The following CSF2RA variants were observed in gnomAD, a reference collection of about 807,000 sequenced individuals.
CSF2RA encodes colony stimulating factor 2 receptor subunit alpha.
In CSF2RA, 42 loss-of-function variants were observed where a neutral mutation model predicts 51.6. The observed-to-expected ratio is 0.81, with a 90% CI of 0.64 to 1.05. The LOEUF is 1.05. Among genes scored for constraint, CSF2RA ranks in the 50% least tolerant of loss-of-function variants. The probability of loss-of-function intolerance (pLI) is 0.00; values close to 1 mark genes in which losing one functional copy is unlikely to be tolerated. For missense variants in CSF2RA, 530 were observed against 501.1 expected, an observed-to-expected ratio of 1.06 and a Z score of -0.55; for synonymous variants, 222 against 193.0, an observed-to-expected ratio of 1.15 and a Z score of -1.24.
At chrX:1,321,922 G>C in the CSF2RA span, among the ~76,000 whole-genome samples, 2 of 151,918 alleles carry the variant, frequency 1.3e-5, no homozygotes, top group Non-Finnish European at 2.9e-5. Flanking sequence ...CGCATCATGA[G>C]GTCGGGAGTT....
chrX:1,287,604 T>C (rs1258777222), intron 4 of CSF2RA, among the ~76,000 whole-genome samples: 8 of 146,604 alleles, frequency 5.5e-5, no homozygotes, highest in Non-Finnish European at 9.0e-5. Context: ...CCACCACACC[T>C]GGCTAATTTT....
In CSF2RA at chrX:1,284,195, C is replaced by CTTTTT. The variant is rs752104115; in HGVS notation, c.76+1438_76+1442dup. ...CAAGCGGTTTTCTTTCTCTGTCTCT[C>CTTTTT]TTTTTTTTTTTTTTTTTTTTTTTTT... is the stretch of plus-strand genomic sequence containing the variant. On this transcript the variant is annotated intron_variant, in intron 3 of 12. Transcript: ENST00000381529. Among the ~76,000 whole-genome samples, 49 of 91,786 alleles carry CTTTTT rather than the reference C, an allele frequency of 5.3e-4. 1 individual carries two copies. Among genetic ancestry groups the CTTTTT allele is most frequent in the African/African-American group, 1.9e-3 (48 of 25,412 alleles). 60.2% of individuals were successfully genotyped at this position (91,786 alleles called of 152,430 possible). A position where few individuals can be genotyped will look rare whatever the true frequency, so the allele number is the denominator to read the frequency against.
At chrX:1,304,760 G>T (rs1207387919) in intron 11 of CSF2RA, among the ~76,000 whole-genome samples, 1 of 151,848 alleles carries the variant, frequency 6.6e-6, no homozygotes, top group East Asian at 1.9e-4. Context: ...CACCTCCCGG[G>T]TTCACGCCAT....
chrX:1,316,101 ACAC>A, the CSF2RA span, among the ~76,000 whole-genome samples: 1 of 140,608 alleles, frequency 7.1e-6, no homozygotes, highest in East Asian at 2.3e-4. Flanking sequence ...GGATAGATAG[ACAC>A]ATAGATACAT....
At chrX:1,306,748 C>A (rs1383984135) in intron 12 of CSF2RA, among the ~76,000 whole-genome samples, 2 of 148,982 alleles carry the variant, frequency 1.3e-5, no homozygotes, top group African/African-American at 5.0e-5. Context: ...CAGAGAGACA[C>A]AGAGAAAGAC....
At chrX:1,287,412 A>T (rs2090852361) in intron 4 of CSF2RA, among the ~76,000 whole-genome samples, 1 of 147,894 alleles carries the variant, frequency 6.8e-6, no homozygotes, top group Non-Finnish European at 1.5e-5. Flanking sequence ...TTGGCCTCCC[A>T]AAGTGCTGGC....
At chrX:1,306,461 A>ACCTGAAGAAACCTCGTCTCT (rs1381347673) in intron 12 of CSF2RA, among the ~76,000 whole-genome samples, 2 of 152,026 alleles carry the variant, frequency 1.3e-5, no homozygotes, top group Non-Finnish European at 2.9e-5. Flanking sequence ...AGCCTGACCA[A>ACCTGAAGAAACCTCGTCTCT]CCTGAAGAAA....
At chrX:1,281,121 C>CCTCCTCCTCCTG (rs1569494745) in intron 2 of CSF2RA, among the ~76,000 whole-genome samples, 2 of 118,392 alleles carry the variant, frequency 1.7e-5, no homozygotes, top group Non-Finnish European at 3.5e-5. Flanking sequence ...TTCTCCTCCT[C>CCTCCTCCTCCTG]CTCCTCCTCC....
intron 3 of CSF2RA, 92 bp downstream of exon 3, chrX:1,282,871 A>G (rs2090203363): frequency 9.3e-7 from 1 of 1,080,192 alleles, no homozygotes; most frequent in Admixed American, 1.7e-5. Context: ...GTCCATCTGC[A>G]TTTCATCTCT....
At chrX:1,322,439 GTTTTTTTTT>G in the CSF2RA span, among the ~76,000 whole-genome samples, 18 of 120,690 alleles carry the variant, frequency 1.5e-4, no homozygotes, top group African/African-American at 5.4e-4. Flanking sequence ...GTGTGTGTTT[GTTTTTTTTT>G]TTTTTTTTTT....
chrX:1,303,437 A>G, intron 10 of CSF2RA: 1 of 419,224 alleles, frequency 2.4e-6, no homozygotes, highest in Middle Eastern at 6.4e-4. Flanking sequence ...ATGAGGTTTC[A>G]CCATGTTAGT....
chrX:1,300,374 G>T, intron 9 of CSF2RA, 117 bp from the exon 10 acceptor site: 2 of 1,302,392 alleles, frequency 1.5e-6, no homozygotes, highest in Non-Finnish European at 2.2e-6. Context: ...AGAAAAAAAA[G>T]AAGAAAAAGA....
rs767566902 is a variant in CSF2RA at position 1,278,923 on chromosome X, A to C, written c.-26-3755A>C. 2.0e-5 allele frequency among the ~76,000 whole-genome samples: 3 copies of C among 150,634 alleles called. No individual in the cohort carries two copies. In the East Asian group the frequency reaches 5.9e-4, roughly 29 times the overall value. ...CGTGTTGGTGCGTGCCTGTAGTCCC[A>C]GCTACTCGGAGGCTGAGGCAGTAGA... On this transcript the variant is annotated intron_variant, in intron 2 of 12. Coordinates refer to ENST00000381529, the MANE Select transcript of CSF2RA (RefSeq NM_172245.4).
At chrX:1,292,363 C>A (rs1303526513) in intron 7 of CSF2RA, among the ~76,000 whole-genome samples, 1 of 152,152 alleles carries the variant, frequency 6.6e-6, no homozygotes, top group Non-Finnish European at 1.5e-5. Context: ...AGAAATAAGA[C>A]ACAGAGACAA....
chrX:1,314,299 CACTCT>C (rs2084339236), downstream of CSF2RA, among the ~76,000 whole-genome samples: 2 of 109,002 alleles, frequency 1.8e-5, no homozygotes, highest in Admixed American at 9.5e-5. Context: ...TCTGCCCAAC[CACTCT>C]GTGCCTGCCC....
At chrX:1,303,557 G>T (rs1216278371) in intron 10 of CSF2RA, among the ~76,000 whole-genome samples, 1 of 151,780 alleles carries the variant, frequency 6.6e-6, no homozygotes, top group African/African-American at 2.4e-5. Context: ...TGTATTTTTG[G>T]TAGAGACGGG....
At chrX:1,279,344 T>C (rs1365245333) in intron 2 of CSF2RA, among the ~76,000 whole-genome samples, 1 of 140,192 alleles carries the variant, frequency 7.1e-6, no homozygotes, top group East Asian at 2.1e-4. Flanking sequence ...AGCAAGACCG[T>C]CTACAAAATA....
At chrX:1,299,426 T>G (rs150898003) in intron 9 of CSF2RA, among the ~76,000 whole-genome samples, 2,686 of 152,264 alleles carry the variant, frequency 0.018, 32 homozygotes, top group Non-Finnish European at 0.025. Context: ...CATTTATTTA[T>G]GTATGTATTT....
intron 11 of CSF2RA, 47 bp from the exon 12 acceptor site, chrX:1,305,399 T>C: frequency 6.2e-7 from 1 of 1,603,410 alleles, no homozygotes; most frequent in South Asian, 1.1e-5. Context: ...GAAGGAACTC[T>C]GGTGACCCGG....
Sources: gnomAD v4.1 joint callset for allele counts (sites outside exome capture counted in the v4.1 genomes callset) on GRCh38, gnomAD v4.1.1 for gene constraint, MANE v1.5 for transcripts, NCBI Gene and HGNC (gene_info 2026-07-23, HGNC 2026-07-21) for gene names.